Variants in SGCD observed in about 807,000 individuals in gnomAD.
SGCD encodes the protein sarcoglycan delta.
A neutral mutation model predicts 36.6 loss-of-function variants in SGCD; 18 were observed. The observed-to-expected ratio is 0.49, with a 90% CI of 0.34 to 0.73. SGCD has a LOEUF of 0.73. SGCD is among the 30% of genes least tolerant of loss of function. The pLI is 0.01. For synonymous variants in SGCD, 133 were observed against 130.6 expected, an observed-to-expected ratio of 1.02 and a Z score of -0.12; for missense variants, 387 against 346.7, an observed-to-expected ratio of 1.12 and a Z score of -0.92.
intron 3 of SGCD, among the ~76,000 whole-genome samples, chr5:156,365,618 A>C (rs886571215): frequency 1.3e-5 from 2 of 152,206 alleles, no homozygotes; most frequent in Admixed American, 1.3e-4. Context: ...ATGTATGTAT[A>C]CACATACATA....
intron 4 of SGCD, among the ~76,000 whole-genome samples, chr5:156,517,845 T>A (rs1263395694): frequency 6.6e-6 from 1 of 152,124 alleles, no homozygotes; most frequent in Non-Finnish European, 1.5e-5. Flanking sequence ...AAGGAAGCAC[T>A]AACTGTGGAA....
chr5:155,802,924 T>A, the SGCD span, among the ~76,000 whole-genome samples: 4 of 152,176 alleles, frequency 2.6e-5, no homozygotes, highest in Non-Finnish European at 5.9e-5. Context: ...TCTTTTTCCA[T>A]AAAGGAAAGC....
At chr5:156,311,580 G>A (rs930045696) in intron 3 of SGCD, among the ~76,000 whole-genome samples, 2 of 140,802 alleles carry the variant, frequency 1.4e-5, no homozygotes, top group Admixed American at 1.4e-4. Context: ...ACTTGAATAT[G>A]TTCTTCAGCA....
intron 3 of SGCD, among the ~76,000 whole-genome samples, chr5:156,458,184 C>A (rs1395577574): frequency 6.6e-6 from 1 of 152,200 alleles, no homozygotes; most frequent in Admixed American, 6.5e-5. Context: ...GGCAGGCACA[C>A]AGGCCAGACA....
the SGCD span, among the ~76,000 whole-genome samples, chr5:155,824,305 G>C: frequency 6.6e-6 from 1 of 152,180 alleles, no homozygotes; most frequent in East Asian, 1.9e-4. Flanking sequence ...AATGGGGACT[G>C]TAATAACATC....
chr5:156,674,453 A>G (rs1343907306), intron 7 of SGCD, among the ~76,000 whole-genome samples: 4 of 152,206 alleles, frequency 2.6e-5, no homozygotes, highest in African/African-American at 4.8e-5. Flanking sequence ...TGAGAGGGGC[A>G]GAGACAAAAG....
intron 1 of SGCD, among the ~76,000 whole-genome samples, chr5:155,973,813 A>C (rs1356399424): frequency 3.9e-5 from 6 of 152,190 alleles, no homozygotes; most frequent in African/African-American, 1.4e-4. Flanking sequence ...GAGTGCTTGC[A>C]ACTGCCATTA....
chr5:155,757,215 C>T, the SGCD span, among the ~76,000 whole-genome samples: 2 of 152,044 alleles, frequency 1.3e-5, no homozygotes, highest in African/African-American at 4.8e-5. Context: ...AATAGAAGGC[C>T]TAGAGCTGGC....
intron 3 of SGCD, among the ~76,000 whole-genome samples, chr5:156,225,906 T>C (rs919529756): frequency 1.3e-5 from 2 of 152,036 alleles, no homozygotes; most frequent in Admixed American, 1.3e-4. Context: ...ATTTATACCA[T>C]ATGAGGATTT....
intron 7 of SGCD, among the ~76,000 whole-genome samples, chr5:156,676,995 T>C (rs968218970): frequency 6.6e-6 from 1 of 152,232 alleles, no homozygotes; most frequent in Non-Finnish European, 1.5e-5. Flanking sequence ...TTCCTGGGCC[T>C]ACCATCAGTC....
At chr5:155,825,075 A>G in the SGCD span, among the ~76,000 whole-genome samples, 1 of 152,162 alleles carries the variant, frequency 6.6e-6, no homozygotes, top group Non-Finnish European at 1.5e-5. Context: ...AATCAGATCA[A>G]TGTTTTCATC....
intron 3 of SGCD, among the ~76,000 whole-genome samples, chr5:156,432,544 G>A (rs1753070159): frequency 6.6e-6 from 1 of 152,150 alleles, no homozygotes; most frequent in Admixed American, 6.5e-5. Flanking sequence ...TGTCCTTTGT[G>A]TTAAGCTACC....
chr5:156,537,008 A>C (rs968346875), intron 4 of SGCD, among the ~76,000 whole-genome samples: 8 of 152,082 alleles, frequency 5.3e-5, no homozygotes, highest in Admixed American at 3.9e-4. Flanking sequence ...GGGACTGATA[A>C]ATATTTAAGC....
chr5:155,977,443 TA>T (rs917175349), intron 1 of SGCD, among the ~76,000 whole-genome samples: 14 of 152,238 alleles, frequency 9.2e-5, no homozygotes, highest in African/African-American at 3.4e-4. Flanking sequence ...GGTCTTTTTT[TA>T]GTCACTGTAT....
chr5:156,703,085 C>T (rs1561865753), intron 7 of SGCD, among the ~76,000 whole-genome samples: 1 of 152,202 alleles, frequency 6.6e-6, no homozygotes, highest in East Asian at 1.9e-4. Context: ...GGGAAATTGA[C>T]TCTGACATGA....
At chr5:156,541,121 A>G in intron 4 of SGCD, among the ~76,000 whole-genome samples, 1 of 152,226 alleles carries the variant, frequency 6.6e-6, no homozygotes, top group East Asian at 1.9e-4. Flanking sequence ...CAAAGATTCT[A>G]AAGCAAAGCA....
At chr5:156,383,563 C>T (rs557088765) in intron 3 of SGCD, among the ~76,000 whole-genome samples, 9 of 151,810 alleles carry the variant, frequency 5.9e-5, no homozygotes, top group Non-Finnish European at 1.3e-4. Context: ...ATATAGGAGT[C>T]CTGGGGCTGC....
the SGCD span, among the ~76,000 whole-genome samples, chr5:155,843,751 A>AG: frequency 2.6e-5 from 4 of 152,276 alleles, no homozygotes; most frequent in South Asian, 8.3e-4. Flanking sequence ...AACATGGAGT[A>AG]GGGGGGCTAC....
intron 1 of SGCD, among the ~76,000 whole-genome samples, chr5:156,059,276 C>A (rs1270929001): frequency 6.9e-6 from 1 of 145,376 alleles, no homozygotes; most frequent in East Asian, 1.9e-4. Flanking sequence ...GAGAGAGAGA[C>A]AGTAACCAGG....
Sources: gnomAD v4.1 joint callset for allele counts (sites outside exome capture counted in the v4.1 genomes callset) on GRCh38, gnomAD v4.1.1 for gene constraint, MANE v1.5 for transcripts, NCBI Gene and HGNC (gene_info 2026-07-23, HGNC 2026-07-21) for gene names.